SYN2: variants seen among roughly 807,000 people sequenced by gnomAD.
SYN2 encodes the protein synapsin-2.
A neutral mutation model predicts 50.9 loss-of-function variants in SYN2; 19 were observed. The observed-to-expected ratio is 0.37, with a 90% CI of 0.26 to 0.55. The LOEUF is 0.55. Ranked by LOEUF, SYN2 falls within the 20% of genes least tolerant of loss-of-function variation. SYN2 has a pLI of 0.81. For missense variants in SYN2, 587 were observed against 576.4 expected (o/e 1.02, Z -0.19); for synonymous variants, 255 against 224.9 (o/e 1.13, Z -1.20).
At chr3:12,085,945 T>G (rs946579233) in intron 1 of SYN2, among the ~76,000 whole-genome samples, 2 of 151,822 alleles carry the variant, frequency 1.3e-5, no homozygotes, top group African/African-American at 4.8e-5. Flanking sequence ...ATAGAAAATA[T>G]CAATAAAACT....
chr3:12,015,808 A>T (rs1185718659), intron 1 of SYN2, among the ~76,000 whole-genome samples: 2 of 152,084 alleles, frequency 1.3e-5, no homozygotes, highest in African/African-American at 4.8e-5. Context: ...AGCTTTTCTC[A>T]AGTTCTAGGG....
At chr3:12,097,336 G>T (rs554442293) in intron 1 of SYN2, among the ~76,000 whole-genome samples, 1 of 152,160 alleles carries the variant, frequency 6.6e-6, no homozygotes, top group African/African-American at 2.4e-5. Flanking sequence ...GCCGGGTGCG[G>T]TGGCTAATGC....
At chr3:12,179,925 C>G (rs927347145) in intron 10 of SYN2, among the ~76,000 whole-genome samples, 1 of 152,082 alleles carries the variant, frequency 6.6e-6, no homozygotes, top group African/African-American at 2.4e-5. Flanking sequence ...CTCTGTAAAC[C>G]CAAAGTTGGT....
rs201232480 is a variant in SYN2, at chr3:12,151,115, TCA to T, written c.685-119_685-118del. 6.6e-3 allele frequency: 4,554 copies of T among 689,044 alleles called. 145 individuals are homozygous for T. In the African/African-American group the frequency reaches 0.07, roughly 11 times the overall value. The allele number at this position is 689,044 out of a possible 1,614,324, so 42.7% of individuals were successfully genotyped here. On this transcript the variant is annotated intron_variant, in intron 4 of 12. Coordinates refer to ENST00000621198, the MANE Select transcript of SYN2 (RefSeq NM_133625.6). ...GGAATTGTACACTTCTTTTATATCCTCACAATGCTTAGCATAAAGTCCTCCAC... is the reference window on the plus strand; with the variant it reads ...GGAATTGTACACTTCTTTTATATCCTCAATGCTTAGCATAAAGTCCTCCAC...
At chr3:12,081,347 CAG>C (rs995388978) in intron 1 of SYN2, among the ~76,000 whole-genome samples, 28 of 152,112 alleles carry the variant, frequency 1.8e-4, no homozygotes, top group Non-Finnish European at 3.7e-4. Context: ...GCTATTGTTC[CAG>C]ATATTTTGTA....
At chr3:12,082,059 G>A (rs533612213) in intron 1 of SYN2, among the ~76,000 whole-genome samples, 2 of 152,186 alleles carry the variant, frequency 1.3e-5, no homozygotes, top group African/African-American at 4.8e-5. Flanking sequence ...CCAGGGCTCA[G>A]CATATAGTCA....
chr3:12,182,334 C>T (rs1410236821), intron 10 of SYN2, among the ~76,000 whole-genome samples: 1 of 152,200 alleles, frequency 6.6e-6, no homozygotes, highest in East Asian at 1.9e-4. Context: ...GCCTTGGAAG[C>T]CCCTCATTGA....
intron 1 of SYN2, among the ~76,000 whole-genome samples, chr3:12,125,593 A>T (rs188032086): frequency 6.6e-6 from 1 of 152,320 alleles, no homozygotes; most frequent in African/African-American, 2.4e-5. Context: ...ACATAAGCAG[A>T]GCATTTTCAA....
chr3:12,074,761 C>A (rs1305998696), intron 1 of SYN2, among the ~76,000 whole-genome samples: 1 of 152,104 alleles, frequency 6.6e-6, no homozygotes, highest in Non-Finnish European at 1.5e-5. Context: ...AGGCTAACCC[C>A]TGGAAACCTG....
chr3:12,011,402 C>T lies in SYN2; in HGVS notation c.377+6474C>T, dbSNP rs187453232. Among the ~76,000 whole-genome samples, 432 of 152,180 alleles carry T rather than the reference C, an allele frequency of 2.8e-3. 18 individuals carry two copies. The highest frequency in any genetic ancestry group is 0.026 in the Admixed American group (404 of 15,286). On this transcript the variant is annotated intron_variant, in intron 1 of 12. Transcript: ENST00000621198. ...ACACTGCTTCAATACAGCAGGAAGA[C>T]GTAGTTTTTAGTAGGGCAGTGACCT...
intron 1 of SYN2, among the ~76,000 whole-genome samples, chr3:12,062,543 A>G (rs1695135185): frequency 6.6e-6 from 1 of 152,018 alleles, no homozygotes; most frequent in Non-Finnish European, 1.5e-5. Flanking sequence ...TCTATAGAAG[A>G]CATTGTTAAG....
At chr3:12,184,258 T>C in intron 11 of SYN2, 1 of 985,888 alleles carries the variant, frequency 1.0e-6, no homozygotes, top group Non-Finnish European at 1.2e-6. Context: ...AAAGTGAACT[T>C]GTGAGTATTT....
intron 12 of SYN2, among the ~76,000 whole-genome samples, chr3:12,188,899 TTGTCACTGCCTCTGGGCTGAAGC>T (rs1342996900): frequency 1.3e-5 from 2 of 152,158 alleles, no homozygotes; most frequent in Non-Finnish European, 2.9e-5. Context: ...GATCCTTGGA[TTGTCACTGCCTCTGGGCTGAAGC>T]TGTTGAATAG....
intron 1 of SYN2, among the ~76,000 whole-genome samples, chr3:12,110,250 C>T (rs1345309805): frequency 6.6e-6 from 1 of 152,194 alleles, no homozygotes; most frequent in Admixed American, 6.5e-5. Context: ...TCCTTTGACT[C>T]CATGTCTCAC....
chr3:12,095,229 T>G (rs938666446), intron 1 of SYN2, among the ~76,000 whole-genome samples: 3 of 151,586 alleles, frequency 2.0e-5, no homozygotes, highest in East Asian at 2.0e-4. Context: ...TCCCCTCAAT[T>G]ACACTAAAAT....
At chr3:12,154,981 T>C (rs532997709) in intron 5 of SYN2, among the ~76,000 whole-genome samples, 1 of 152,268 alleles carries the variant, frequency 6.6e-6, no homozygotes, top group Non-Finnish European at 1.5e-5. Context: ...TCTTTTACCT[T>C]CCCCATAGGA....
intron 5 of SYN2, among the ~76,000 whole-genome samples, chr3:12,158,042 C>G (rs1697508979): frequency 1.3e-5 from 2 of 152,190 alleles, no homozygotes; most frequent in Admixed American, 1.3e-4. Flanking sequence ...GTGATTAAGA[C>G]AGGGTCCCCA....
At chr3:12,144,725 A>G (rs1697104944) in intron 3 of SYN2, among the ~76,000 whole-genome samples, 1 of 152,226 alleles carries the variant, frequency 6.6e-6, no homozygotes, top group Non-Finnish European at 1.5e-5. Flanking sequence ...TCCTTTGGAA[A>G]GTACCATAAT....
Position 12,173,743 on chromosome 3 carries a change from G to T in SYN2, c.1308+3837G>T, listed in dbSNP as rs1697990718. Among the ~76,000 whole-genome samples the T allele has an allele frequency of 2.0e-5, 3 of 151,866 alleles. No homozygotes were observed. In the South Asian group the frequency reaches 6.3e-4, roughly 32 times the overall value. On this transcript the variant is annotated intron_variant, in intron 10 of 12. Coordinates refer to ENST00000621198, the MANE Select transcript of SYN2 (RefSeq NM_133625.6). ...AGCCTGGCCAATATGGTGAAACCCCGTCTCTACTAAAAATACAAAAATTAG... is the reference window on the plus strand; with the variant it reads ...AGCCTGGCCAATATGGTGAAACCCCTTCTCTACTAAAAATACAAAAATTAG...
Sources: allele counts gnomAD v4.1 joint callset (sites outside exome capture counted in the v4.1 genomes callset), GRCh38; gene constraint gnomAD v4.1.1; transcripts MANE v1.5; gene names NCBI Gene and HGNC (gene_info 2026-07-23, HGNC 2026-07-21).